Variants in GRK3 observed in about 807,000 individuals in gnomAD.
GRK3 encodes G protein-coupled receptor kinase 3, also known as adrenergic, beta, receptor kinase 2.
GRK3 carries 54 observed loss-of-function variants against 95.7 expected under a neutral mutation model. The observed-to-expected ratio is 0.56, with a 90% CI of 0.45 to 0.71. The LOEUF is 0.71. Among genes scored for constraint, GRK3 ranks in the 30% least tolerant of loss-of-function variants. The pLI is 0.00. For missense variants in GRK3, 649 were observed against 851.2 expected (o/e 0.76, Z 2.96); for synonymous variants, 281 against 290.8 (o/e 0.97, Z 0.34).
chr22:25,573,376 C>T (rs1364885471), intron 1 of GRK3, among the ~76,000 whole-genome samples: 2 of 152,080 alleles, frequency 1.3e-5, no homozygotes, highest in Non-Finnish European at 2.9e-5. Context: ...GGATTTGGTT[C>T]CTTGAATGAT....
At chr22:25,674,766 G>A (rs770989756) in intron 8 of GRK3, among the ~76,000 whole-genome samples, 21 of 152,120 alleles carry the variant, frequency 1.4e-4, no homozygotes, top group Non-Finnish European at 2.5e-4. Flanking sequence ...TGGCTAACAG[G>A]GTGAAACCCC....
intron 2 of GRK3, among the ~76,000 whole-genome samples, chr22:25,644,146 TG>T (rs1004793704): frequency 0.019 from 2,868 of 150,844 alleles, 51 homozygotes; most frequent in Middle Eastern, 0.049. Flanking sequence ...TTTTTTTTTT[TG>T]TTTGTTTGTT....
chr22:25,574,442 A>C (rs1931817842), intron 1 of GRK3, among the ~76,000 whole-genome samples: 1 of 152,208 alleles, frequency 6.6e-6, no homozygotes, highest in Non-Finnish European at 1.5e-5. Flanking sequence ...CAGTGAGCTG[A>C]AATCATGTCA....
chr22:25,677,505 T>G (rs896025165), intron 8 of GRK3, among the ~76,000 whole-genome samples: 2 of 152,146 alleles, frequency 1.3e-5, no homozygotes, highest in Admixed American at 6.5e-5. Flanking sequence ...AATAAGATAT[T>G]TGAAGAACAT....
At chr22:25,708,864 G>A (rs2085321658) in intron 15 of GRK3, among the ~76,000 whole-genome samples, 1 of 150,884 alleles carries the variant, frequency 6.6e-6, no homozygotes, top group Admixed American at 6.6e-5. Context: ...GTTTCATTGT[G>A]TTGCCCAGAC....
intron 10 of GRK3, among the ~76,000 whole-genome samples, chr22:25,687,132 T>C (rs530060387): frequency 6.6e-6 from 1 of 152,050 alleles, no homozygotes; most frequent in South Asian, 2.1e-4. Flanking sequence ...GTTTTTTTTT[T>C]TGTTTGTTTT....
chr22:25,596,632 G>A (rs2084374255), intron 1 of GRK3, among the ~76,000 whole-genome samples: 1 of 152,202 alleles, frequency 6.6e-6, no homozygotes, highest in Non-Finnish European at 1.5e-5. Context: ...TCTATGCACT[G>A]TTACAATTAG....
chr22:25,614,419 C>G (rs556924030), intron 2 of GRK3, among the ~76,000 whole-genome samples: 1 of 152,300 alleles, frequency 6.6e-6, no homozygotes, highest in East Asian at 1.9e-4. Context: ...TAGGTGTGAG[C>G]CACTGTGCTC....
At chr22:25,629,891 C>T (rs776336805) in intron 2 of GRK3, among the ~76,000 whole-genome samples, 1 of 152,266 alleles carries the variant, frequency 6.6e-6, no homozygotes, top group South Asian at 2.1e-4. Context: ...TAGCATTTCT[C>T]CTCTACCAAG....
chr22:25,684,258 C>T (rs1485706248), intron 9 of GRK3, among the ~76,000 whole-genome samples: 2 of 152,204 alleles, frequency 1.3e-5, no homozygotes, highest in African/African-American at 2.4e-5. Flanking sequence ...ATTACTGTTG[C>T]TTTCTAATAA....
At chr22:25,592,352 G>T (rs1002269220) in intron 1 of GRK3, among the ~76,000 whole-genome samples, 1 of 152,130 alleles carries the variant, frequency 6.6e-6, no homozygotes, top group Non-Finnish European at 1.5e-5. Context: ...GAGCTTTAAA[G>T]CGTCTTTATT....
chr22:25,623,170 G>A (rs2084599530), intron 2 of GRK3, among the ~76,000 whole-genome samples: 1 of 152,126 alleles, frequency 6.6e-6, no homozygotes, highest in South Asian at 2.1e-4. Flanking sequence ...TCATACTCCT[G>A]ACCTCAAAGC....
Position 25,724,641 on chromosome 22 carries a change from A to G in GRK3, c.*2191A>G, listed in dbSNP as rs918010236. On this transcript the variant is annotated 3_prime_UTR_variant, in exon 21 of 21. Transcript: ENST00000324198. Reference sequence around the variant, plus strand: ...TGGTTGAGAAGTACATCTAGATGTCATTTATTAAAAGTGCTTTGTAAGACT... The same window carrying G: ...TGGTTGAGAAGTACATCTAGATGTCGTTTATTAAAAGTGCTTTGTAAGACT... The G allele has an allele frequency of 1.3e-5, 2 of 152,172 alleles. No individual in the cohort carries two copies. The highest frequency in any genetic ancestry group is 2.9e-5 in the Non-Finnish European group (2 of 68,040). 9.4% of individuals were successfully genotyped at this position (152,172 alleles called of 1,614,324 possible). A position where few individuals can be genotyped will look rare whatever the true frequency, so the allele number is the denominator to read the frequency against.
At chr22:25,565,333 G>T (rs1305282428) in intron 1 of GRK3, among the ~76,000 whole-genome samples, 180 bp downstream of exon 1, 1 of 152,160 alleles carries the variant, frequency 6.6e-6, no homozygotes, top group African/African-American at 2.4e-5. Context: ...GCATCGGAGG[G>T]CCGGTGGGGG....
intron 4 of GRK3, among the ~76,000 whole-genome samples, chr22:25,663,235 GGCTGATC>G (rs1411205691): frequency 6.6e-6 from 1 of 152,080 alleles, no homozygotes; most frequent in Non-Finnish European, 1.5e-5. Context: ...GTGTTGCCCA[GGCTGATC>G]GCGAACTTCT....
intron 6 of GRK3, among the ~76,000 whole-genome samples, chr22:25,669,086 AAG>A (rs776712683): frequency 5.3e-5 from 8 of 152,204 alleles, no homozygotes; most frequent in Non-Finnish European, 1.0e-4. Context: ...AATTAGAAAA[AAG>A]AATTCATGTC....
intron 13 of GRK3, among the ~76,000 whole-genome samples, chr22:25,701,476 A>G (rs767663846): frequency 1.3e-5 from 2 of 152,228 alleles, no homozygotes; most frequent in African/African-American, 2.4e-5. Flanking sequence ...ATAATTTCTC[A>G]TTGAGCCGGA....
At chr22:25,582,063 G>A (rs545530169) in intron 1 of GRK3, among the ~76,000 whole-genome samples, 1 of 152,134 alleles carries the variant, frequency 6.6e-6, no homozygotes, top group Non-Finnish European at 1.5e-5. Flanking sequence ...GATCACCTGA[G>A]GTCAGGAGTT....
chr22:25,687,705 A>G lies in GRK3; in HGVS notation c.957+38A>G, dbSNP rs374825757. The G allele has an allele frequency of 3.7e-6, 6 of 1,609,922 alleles. No individual in the cohort carries two copies. The African/African-American group carries it at 8.0e-5, about 22-fold the overall frequency. On this transcript the variant is annotated intron_variant, in intron 11 of 20. Coordinates refer to ENST00000324198, the MANE Select transcript of GRK3 (RefSeq NM_005160.4). ...GACAGACTCATTCTGCATAGTAGGT[A>G]TTGTGTGAATGGTCCTCTAGAAGTC...
Sources: allele counts gnomAD v4.1 joint callset (sites outside exome capture counted in the v4.1 genomes callset), GRCh38; gene constraint gnomAD v4.1.1; transcripts MANE v1.5; gene names NCBI Gene and HGNC (gene_info 2026-07-23, HGNC 2026-07-21).